The following EPHA6 variants were observed in gnomAD, a reference collection of about 807,000 sequenced individuals.
EPHA6 encodes EPH receptor A6.
EPHA6 carries 50 observed loss-of-function variants against 112.0 expected under a neutral mutation model. That is an observed-to-expected ratio of 0.45 (90% confidence interval 0.36 to 0.56). The LOEUF (loss-of-function observed/expected upper bound fraction) is 0.56. Among genes scored for constraint, EPHA6 ranks in the 20% least tolerant of loss-of-function variants. EPHA6 has a pLI of 0.00. For synonymous variants in EPHA6, 529 were observed against 490.7 expected (o/e 1.08, Z -1.03); for missense variants, 1,280 against 1,417.4 (o/e 0.90, Z 1.56).
At chr3:96,897,843 A>G (rs574773506) in intron 2 of EPHA6, among the ~76,000 whole-genome samples, 3 of 152,312 alleles carry the variant, frequency 2.0e-5, no homozygotes, top group South Asian at 4.1e-4. Flanking sequence ...ATCTTGGCCT[A>G]TCAGAATATA....
chr3:96,852,351 C>A (rs1380225891), intron 1 of EPHA6, among the ~76,000 whole-genome samples: 3 of 151,824 alleles, frequency 2.0e-5, no homozygotes, highest in African/African-American at 7.3e-5. Flanking sequence ...ATAACTTGAG[C>A]CCAGAAGGCA....
intron 2 of EPHA6, among the ~76,000 whole-genome samples, chr3:96,938,497 G>A (rs940170828): frequency 6.6e-6 from 1 of 152,134 alleles, no homozygotes; most frequent in African/African-American, 2.4e-5. Flanking sequence ...GTCAGCTTAA[G>A]GAGATTTTGT....
chr3:97,276,921 G>A (rs556083677), intron 5 of EPHA6, among the ~76,000 whole-genome samples: 3 of 152,272 alleles, frequency 2.0e-5, no homozygotes, highest in Admixed American at 6.5e-5. Context: ...AGGGCTAGTC[G>A]TGGAACGAAA....
chr3:97,335,946 G>A (rs1431921351), intron 5 of EPHA6, among the ~76,000 whole-genome samples: 2 of 152,050 alleles, frequency 1.3e-5, no homozygotes, highest in Non-Finnish European at 2.9e-5. Flanking sequence ...CCGCATGGGA[G>A]CCACAAGACC....
intron 3 of EPHA6, among the ~76,000 whole-genome samples, chr3:97,021,591 A>G (rs1372417853): frequency 3.3e-5 from 5 of 152,180 alleles, no homozygotes; most frequent in Admixed American, 1.3e-4. Context: ...CGGTTATGGC[A>G]AGGTTAGTTT....
chr3:96,887,319 T>G (rs1405811148), intron 2 of EPHA6, among the ~76,000 whole-genome samples: 1 of 152,170 alleles, frequency 6.6e-6, no homozygotes, highest in Non-Finnish European at 1.5e-5. Flanking sequence ...TCTATGGATG[T>G]GGTTTCCTGT....
chr3:97,532,936 C>T (rs2092712011), intron 11 of EPHA6, among the ~76,000 whole-genome samples: 1 of 151,676 alleles, frequency 6.6e-6, no homozygotes. Context: ...AATGCTTTAC[C>T]TGGAGTAAAA....
At chr3:97,632,652 A>C (rs1004733529) in intron 13 of EPHA6, among the ~76,000 whole-genome samples, 2 of 152,070 alleles carry the variant, frequency 1.3e-5, no homozygotes, top group Non-Finnish European at 2.9e-5. Flanking sequence ...AAAGACTAGA[A>C]TGACCTTCCT....
intron 2 of EPHA6, among the ~76,000 whole-genome samples, chr3:96,917,319 G>A (rs1429621494): frequency 6.7e-6 from 1 of 150,188 alleles, no homozygotes; most frequent in Non-Finnish European, 1.5e-5. Flanking sequence ...TACTCAGGAG[G>A]CTGGGACAGG....
At chr3:97,482,299 T>A (rs1313562530) in intron 9 of EPHA6, among the ~76,000 whole-genome samples, 1 of 152,220 alleles carries the variant, frequency 6.6e-6, no homozygotes, top group African/African-American at 2.4e-5. Flanking sequence ...TGATTAGATA[T>A]CACTAATAAT....
chr3:97,096,689 T>C (rs2047249742), intron 3 of EPHA6, among the ~76,000 whole-genome samples: 1 of 151,938 alleles, frequency 6.6e-6, no homozygotes, highest in Non-Finnish European at 1.5e-5. Flanking sequence ...CTTTTGCCTA[T>C]TTTATGTGAT....
At chr3:96,979,555 G>A (rs1363218361) in intron 2 of EPHA6, among the ~76,000 whole-genome samples, 2 of 152,080 alleles carry the variant, frequency 1.3e-5, no homozygotes, top group African/African-American at 4.8e-5. Context: ...TAATCCTTTG[G>A]GTATATACCC....
intron 10 of EPHA6, among the ~76,000 whole-genome samples, chr3:97,484,780 C>T (rs1419224455): frequency 6.6e-6 from 1 of 152,182 alleles, no homozygotes. Flanking sequence ...TCTTCCTTCC[C>T]CTAGCATGCC....
intron 2 of EPHA6, among the ~76,000 whole-genome samples, chr3:96,978,867 A>G (rs1290546063): frequency 3.9e-5 from 6 of 152,290 alleles, no homozygotes; most frequent in Middle Eastern, 3.4e-3. Context: ...CATTCTGAAC[A>G]TCTCCGCAAC....
intron 3 of EPHA6, among the ~76,000 whole-genome samples, chr3:97,095,542 A>G (rs950156362): frequency 1.3e-5 from 2 of 151,964 alleles, no homozygotes; most frequent in Non-Finnish European, 2.9e-5. Flanking sequence ...AATGCTTACC[A>G]TTATTCAAAC....
At chr3:97,070,311 A>G (rs1004916155) in intron 3 of EPHA6, among the ~76,000 whole-genome samples, 3 of 152,140 alleles carry the variant, frequency 2.0e-5, no homozygotes, top group Non-Finnish European at 2.9e-5. Flanking sequence ...TGATTAATGA[A>G]TGACCAAAAT....
At chr3:97,335,582 C>A (rs1185606495) in intron 5 of EPHA6, among the ~76,000 whole-genome samples, 2 of 152,060 alleles carry the variant, frequency 1.3e-5, no homozygotes, top group Non-Finnish European at 2.9e-5. Context: ...TTCGACCATG[C>A]ACCTCAAAAC....
At chr3:97,056,772 A>C (rs562799455) in intron 3 of EPHA6, among the ~76,000 whole-genome samples, 2 of 152,294 alleles carry the variant, frequency 1.3e-5, no homozygotes, top group South Asian at 4.1e-4. Context: ...ATCTTCATTT[A>C]ATCTTCCATT....
chr3:97,451,312 A>G (rs2090522082), intron 7 of EPHA6, among the ~76,000 whole-genome samples: 1 of 151,994 alleles, frequency 6.6e-6, no homozygotes, highest in Non-Finnish European at 1.5e-5. Context: ...GCCTCATTTT[A>G]GAAACTTGTA....
Sources: allele counts gnomAD v4.1 joint callset (sites outside exome capture counted in the v4.1 genomes callset), GRCh38; gene constraint gnomAD v4.1.1; transcripts MANE v1.5; gene names NCBI Gene and HGNC (gene_info 2026-07-23, HGNC 2026-07-21).